RAPGEF2: variants seen among roughly 807,000 people sequenced by gnomAD.
RAPGEF2 encodes the protein Rap guanine nucleotide exchange factor 2.
Under a neutral mutation model 186.7 loss-of-function variants are expected in RAPGEF2, and 54 were observed. The ratio of observed to expected loss-of-function variants is 0.29; its 90% CI spans 0.23 to 0.36. The LOEUF (loss-of-function observed/expected upper bound fraction) is 0.36, where lower values mean the gene tolerates loss of function less well. RAPGEF2 is among the 10% of genes least tolerant of loss of function. The probability of loss-of-function intolerance (pLI) is 1.00; values close to 1 mark genes in which losing one functional copy is unlikely to be tolerated. For missense variants in RAPGEF2, 1,532 were observed against 2,045.0 expected, an observed-to-expected ratio of 0.75 and a Z score of 4.84; for synonymous variants, 712 against 705.9, an observed-to-expected ratio of 1.01 and a Z score of -0.14.
Position 159,332,468 on chromosome 4 carries a change from A to G in RAPGEF2, c.1906A>G (p.Thr636Ala), listed in dbSNP as rs376346906. Residue 636 changes from threonine to alanine, a missense_variant, in exon 17 of 30, where the codon ACA (threonine) becomes GCA (alanine). By Grantham distance (58) the Thr-to-Ala change is moderately conservative. Transcript: ENST00000691494. ...TATTTTAGTATTTAAAGAACTTCTA[A>G]CAAGATTGTCAGAAGAGAAAAGAAA... Reference protein sequence around the residue: ...TNLFVFKELLTRLSEEKRNGA... With the variant: ...TNLFVFKELLARLSEEKRNGA... The G allele has an allele frequency of 1.2e-6, 2 of 1,612,628 alleles. No individual in the cohort carries two copies.
intron 1 of RAPGEF2, among the ~76,000 whole-genome samples, chr4:159,152,895 C>T (rs1310817260): frequency 2.0e-5 from 3 of 152,156 alleles, no homozygotes; most frequent in Non-Finnish European, 2.9e-5. Context: ...GGATTACAGG[C>T]GTGAGCCACC....
intron 1 of RAPGEF2, among the ~76,000 whole-genome samples, chr4:159,165,204 A>G (rs1041692666): frequency 1.3e-5 from 2 of 152,166 alleles, no homozygotes; most frequent in Non-Finnish European, 2.9e-5. Context: ...TGGGCTCTCA[A>G]GGTATTTGGA....
chr4:159,262,673 A>G (rs1290912291), intron 7 of RAPGEF2, among the ~76,000 whole-genome samples: 1 of 152,128 alleles, frequency 6.6e-6, no homozygotes, highest in Non-Finnish European at 1.5e-5. Flanking sequence ...TCTCCATCTC[A>G]TGTCATCTTT....
chr4:159,316,457 C>T (rs950442413), intron 9 of RAPGEF2, among the ~76,000 whole-genome samples: 2 of 152,082 alleles, frequency 1.3e-5, no homozygotes, highest in Non-Finnish European at 2.9e-5. Context: ...CCTGAACTTC[C>T]ACCTCCTCCC....
intron 1 of RAPGEF2, 81 bp downstream of exon 1, chr4:159,104,312 C>G (rs1737536026): frequency 2.9e-6 from 2 of 678,198 alleles, no homozygotes; most frequent in Non-Finnish European, 4.6e-6. Flanking sequence ...CACCTCCTTC[C>G]TGACACAGTT....
chr4:159,246,420 C>T (rs1053299858), intron 7 of RAPGEF2, among the ~76,000 whole-genome samples: 4 of 152,068 alleles, frequency 2.6e-5, no homozygotes, highest in Admixed American at 2.0e-4. Context: ...AAATCAGTCC[C>T]ATTTTAAAAC....
At chr4:159,283,554 T>C (rs1176956758) in intron 7 of RAPGEF2, among the ~76,000 whole-genome samples, 1 of 152,190 alleles carries the variant, frequency 6.6e-6, no homozygotes, top group East Asian at 1.9e-4. Context: ...ATCATAAACA[T>C]GAATCATTAT....
chr4:159,198,310 C>CTT (rs375073187), intron 3 of RAPGEF2, among the ~76,000 whole-genome samples: 3 of 65,076 alleles, frequency 4.6e-5, no homozygotes, highest in African/African-American at 2.0e-4. Context: ...TTCTTTCTTT[C>CTT]TTTCTTTCTT....
intron 7 of RAPGEF2, among the ~76,000 whole-genome samples, chr4:159,264,658 C>T (rs1579669908): frequency 6.6e-6 from 1 of 152,140 alleles, no homozygotes; most frequent in African/African-American, 2.4e-5. Context: ...TAAATACATT[C>T]CCATTGTTTT....
At chr4:159,357,448 A>G (rs1732194892) in intron 29 of RAPGEF2, among the ~76,000 whole-genome samples, 1 of 152,250 alleles carries the variant, frequency 6.6e-6, no homozygotes, top group African/African-American at 2.4e-5. Context: ...TTCTTTCTAC[A>G]AATCTATCTG....
At chr4:159,206,082 C>A (rs1306619614) in intron 3 of RAPGEF2, among the ~76,000 whole-genome samples, 1 of 152,100 alleles carries the variant, frequency 6.6e-6, no homozygotes, top group Non-Finnish European at 1.5e-5. Flanking sequence ...GGCACCGCCA[C>A]CATGCCCGGC....
intron 4 of RAPGEF2, among the ~76,000 whole-genome samples, chr4:159,214,675 T>C (rs1040693327): frequency 1.3e-5 from 2 of 152,316 alleles, no homozygotes; most frequent in African/African-American, 4.8e-5. Context: ...TCCAGAAGGC[T>C]AGGAATTTAT....
intron 3 of RAPGEF2, among the ~76,000 whole-genome samples, chr4:159,204,296 C>T (rs2111352089): frequency 6.6e-6 from 1 of 152,242 alleles, no homozygotes; most frequent in Middle Eastern, 3.4e-3. Context: ...AGTTTTTGAG[C>T]CATCTCTTAA....
intron 1 of RAPGEF2, among the ~76,000 whole-genome samples, chr4:159,104,538 G>GAGGGAGAGAC (rs1560964975): frequency 9.2e-6 from 1 of 109,176 alleles, no homozygotes; most frequent in East Asian, 2.3e-4. Flanking sequence ...GAGAGACAGA[G>GAGGGAGAGAC]AGAGAGAGAG....
chr4:159,333,868 A>G (rs1375205704), intron 17 of RAPGEF2, among the ~76,000 whole-genome samples: 1 of 152,256 alleles, frequency 6.6e-6, no homozygotes, highest in African/African-American at 2.4e-5. Flanking sequence ...GCAGGACTAT[A>G]TCAAACACTT....
At chr4:159,161,685 C>T (rs547536185) in intron 1 of RAPGEF2, among the ~76,000 whole-genome samples, 2 of 152,228 alleles carry the variant, frequency 1.3e-5, no homozygotes, top group South Asian at 4.2e-4. Context: ...GCACTCCAGC[C>T]TGGGTGACAG....
chr4:159,193,988 AAAC>A (rs753115150), intron 3 of RAPGEF2, among the ~76,000 whole-genome samples: 3 of 152,218 alleles, frequency 2.0e-5, no homozygotes, highest in Non-Finnish European at 4.4e-5. Flanking sequence ...AATACAAGGA[AAAC>A]AACAACAACA....
chr4:159,295,356 AG>A (rs916460061), intron 7 of RAPGEF2, among the ~76,000 whole-genome samples: 2 of 152,108 alleles, frequency 1.3e-5, no homozygotes, highest in African/African-American at 4.8e-5. Flanking sequence ...TGAATTGAAA[AG>A]GAAAAGGAAT....
At chr4:159,184,550 G>A (rs1479121228) in intron 1 of RAPGEF2, among the ~76,000 whole-genome samples, 1 of 152,198 alleles carries the variant, frequency 6.6e-6, no homozygotes, top group Admixed American at 6.5e-5. Flanking sequence ...CTTTTGAGAA[G>A]TGTCTGTTCA....
Sources: gnomAD v4.1 joint callset for allele counts (sites outside exome capture counted in the v4.1 genomes callset) on GRCh38, gnomAD v4.1.1 for gene constraint, MANE v1.5 for transcripts, NCBI Gene and HGNC (gene_info 2026-07-23, HGNC 2026-07-21) for gene names.